ABHD5: variants seen among roughly 807,000 people sequenced by gnomAD.
ABHD5 encodes 1-acylglycerol-3-phosphate O-acyltransferase ABHD5.
Under a neutral mutation model 44.9 loss-of-function variants are expected in ABHD5, and 30 were observed. That is an observed-to-expected ratio of 0.67 (90% confidence interval 0.50 to 0.91). ABHD5 has a LOEUF of 0.91. ABHD5 is among the 40% of genes least tolerant of loss of function. The probability of loss-of-function intolerance (pLI) is 0.00; values close to 1 mark genes in which losing one functional copy is unlikely to be tolerated. For synonymous variants in ABHD5, 167 were observed against 147.0 expected, an observed-to-expected ratio of 1.14 and a Z score of -0.99; for missense variants, 399 against 423.4, an observed-to-expected ratio of 0.94 and a Z score of 0.50.
intron 1 of ABHD5, among the ~76,000 whole-genome samples, chr3:43,693,615 G>A (rs1416147166): frequency 1.3e-5 from 2 of 151,570 alleles, no homozygotes; most frequent in Non-Finnish European, 2.9e-5. Context: ...CTTCTTCTTG[G>A]GTCCTTTTTG....
intron 7 of ABHD5, among the ~76,000 whole-genome samples, chr3:43,728,756 A>C (rs1349010591): frequency 6.6e-6 from 1 of 152,190 alleles, no homozygotes; most frequent in Admixed American, 6.5e-5. Flanking sequence ...ACCTCCACTA[A>C]CAGAGATAGA....
intron 2 of ABHD5, 73 bp from the exon 3 acceptor site, chr3:43,702,142 G>C: frequency 7.5e-7 from 1 of 1,338,444 alleles, no homozygotes; most frequent in South Asian, 1.4e-5. Flanking sequence ...TGTAATTTTT[G>C]GTTGCTCTGA....
chr3:43,731,705 G>A (rs1329470131), intron 7 of ABHD5, among the ~76,000 whole-genome samples: 1 of 152,126 alleles, frequency 6.6e-6, no homozygotes, highest in African/African-American at 2.4e-5. Context: ...GGTGGCGCAT[G>A]CCTGTAATCC....
chr3:43,709,688 C>G lies in ABHD5; in HGVS notation c.507-2021C>G, dbSNP rs571714863. On this transcript the variant is annotated intron_variant, in intron 3 of 6. Transcript: ENST00000644371. ...CAACTAGGTGGCTGTCTCATTAGTT[C>G]TACTCATACCCCTGTTAGGCCTCTT... Among the ~76,000 whole-genome samples, 12 of 152,192 alleles carry G rather than the reference C, an allele frequency of 7.9e-5. No homozygotes were observed. In the East Asian group the frequency reaches 1.9e-3, roughly 24 times the overall value.
At chr3:43,709,067 A>G (rs748529982) in intron 3 of ABHD5, among the ~76,000 whole-genome samples, 13 of 152,242 alleles carry the variant, frequency 8.5e-5, no homozygotes, top group Non-Finnish European at 1.8e-4. Flanking sequence ...ATCCAGCTGG[A>G]TATGCTTATG....
At chr3:43,726,340 A>G (rs1162332532), downstream of ABHD5, among the ~76,000 whole-genome samples, 7 of 152,156 alleles carry the variant, frequency 4.6e-5, no homozygotes, top group Non-Finnish European at 8.8e-5. Context: ...TCTTTAACAT[A>G]TATCTGTTCA....
intron 7 of ABHD5, among the ~76,000 whole-genome samples, chr3:43,731,233 C>T (rs1369091097): frequency 2.6e-5 from 4 of 152,122 alleles, no homozygotes; most frequent in Non-Finnish European, 5.9e-5. Flanking sequence ...TTTCAACCTC[C>T]TAAGAATTCC....
At chr3:43,714,281 C>A (rs1290217417) in intron 4 of ABHD5, among the ~76,000 whole-genome samples, 5 of 151,850 alleles carry the variant, frequency 3.3e-5, no homozygotes, top group African/African-American at 1.2e-4. Flanking sequence ...ATTACAGGTG[C>A]ACGCCACCAC....
downstream of ABHD5, among the ~76,000 whole-genome samples, chr3:43,726,475 C>T (rs545748050): frequency 1.1e-4 from 16 of 152,268 alleles, no homozygotes; most frequent in Admixed American, 3.3e-4. Flanking sequence ...ACTGGACTCT[C>T]GTGCTGGCCT....
At chr3:43,698,522 T>C (rs1054060628) in intron 1 of ABHD5, among the ~76,000 whole-genome samples, 3 of 152,210 alleles carry the variant, frequency 2.0e-5, no homozygotes, top group Non-Finnish European at 4.4e-5. Context: ...GAGTTGAGGC[T>C]TACCCTCTCT....
intron 3 of ABHD5, 34 bp downstream of exon 3, chr3:43,702,621 CTG>C (rs1454809933): frequency 1.9e-6 from 3 of 1,613,874 alleles, no homozygotes; most frequent in Non-Finnish European, 1.7e-6. Context: ...GGGATTATAA[CTG>C]TGCTTCCAAG....
At chr3:43,706,565 TCAA>T (rs1252433798) in intron 3 of ABHD5, among the ~76,000 whole-genome samples, 1 of 151,898 alleles carries the variant, frequency 6.6e-6, no homozygotes, top group Non-Finnish European at 1.5e-5. Context: ...CCTCTTACAC[TCAA>T]CAAACCTCCC....
rs761519749 is a variant in ABHD5, at chr3:43,699,442, A to G, written c.133+81A>G. ...ATCTCATTGCCCTGAAACTGGAGGTAAGATTCTGTGGTGTGTTCATTGTTG... is the reference window on the plus strand; with the variant it reads ...ATCTCATTGCCCTGAAACTGGAGGTGAGATTCTGTGGTGTGTTCATTGTTG... On this transcript the variant is annotated intron_variant, in intron 2 of 6. Coordinates refer to ENST00000644371, the MANE Select transcript of ABHD5 (RefSeq NM_016006.6). 224 of 1,300,292 alleles carry G rather than the reference A, an allele frequency of 1.7e-4. 2 individuals are homozygous for G. Among genetic ancestry groups the G allele is most frequent in the Non-Finnish European group, 2.3e-4 (212 of 905,764 alleles). The allele number at this position is 1,300,292 out of a possible 1,614,324, so 80.5% of individuals were successfully genotyped here.
At chr3:43,715,121 TTGTG>T (rs2084747475) in intron 5 of ABHD5, 63 bp downstream of exon 5, 8 of 389,094 alleles carry the variant, frequency 2.1e-5, no homozygotes, top group Non-Finnish European at 3.1e-5. Context: ...GTGTGTGTGT[TTGTG>T]TGTGTTTTAG....
chr3:43,720,211 G>A lies in ABHD5; in HGVS notation c.*1679G>A, dbSNP rs1266568177. The A allele has an allele frequency of 6.6e-6, 1 of 152,218 alleles. No homozygotes were observed. Among genetic ancestry groups the A allele is most frequent in the African/African-American group, 2.4e-5 (1 of 41,454 alleles). The allele number at this position is 152,218 out of a possible 1,614,324, so 9.4% of individuals were successfully genotyped here. ...GGATGGCCAGGTTTCAAACCTGTAT[G>A]TGGTACAAATAATTTGGGTAATATT... On this transcript the variant is annotated 3_prime_UTR_variant, in exon 7 of 7. Transcript: ENST00000644371.
rs75195201 is a variant in ABHD5 at position 43,703,672 on chromosome 3, C to T, written c.506+1085C>T. Among the ~76,000 whole-genome samples, 314 of 152,136 alleles carry T rather than the reference C, an allele frequency of 2.1e-3. 2 individuals carry two copies. Among genetic ancestry groups the T allele is most frequent in the Admixed American group, 3.9e-3 (60 of 15,278 alleles). On this transcript the variant is annotated intron_variant, in intron 3 of 6. Transcript: ENST00000644371. The stretch of plus-strand genomic sequence containing the variant: ...TTTCCATTGGACTGATTTTTAAATC[C>T]AAAATTGCAACTGATTTTGACTTTG...
In ABHD5 at chr3:43,722,147, C is replaced by T. The variant is rs184227734; in HGVS notation, c.*3615C>T. 5.3e-5 allele frequency: 8 copies of T among 152,362 alleles called. 1 individual carries two copies. The South Asian group carries it at 6.2e-4, about 12-fold the overall frequency. 9.4% of individuals were successfully genotyped at this position (152,362 alleles called of 1,614,324 possible). On this transcript the variant is annotated 3_prime_UTR_variant, in exon 7 of 7. Transcript: ENST00000644371. ...ATGCACAAAGATCTTGATTACAGCA[C>T]TGTTTCTAATAGCTACAGACTGGAA...
intron 6 of ABHD5, among the ~76,000 whole-genome samples, 166 bp downstream of exon 6, chr3:43,718,023 G>A (rs7629537): frequency 1.9e-3 from 283 of 152,262 alleles, no homozygotes; most frequent in African/African-American, 6.6e-3. Flanking sequence ...GGTTTGGCCT[G>A]CACACATCTT....
chr3:43,733,162 A>G (rs1697269468), intron 7 of ABHD5, among the ~76,000 whole-genome samples: 2 of 152,156 alleles, frequency 1.3e-5, no homozygotes, highest in Non-Finnish European at 2.9e-5. Flanking sequence ...CACACTCAGG[A>G]GCAGAGGAAC....
Sources: allele counts gnomAD v4.1 joint callset (sites outside exome capture counted in the v4.1 genomes callset), GRCh38; gene constraint gnomAD v4.1.1; transcripts MANE v1.5; gene names NCBI Gene and HGNC (gene_info 2026-07-23, HGNC 2026-07-21).